Variants in PHF24 observed in about 807,000 individuals in gnomAD.
PHF24 encodes the protein PHD finger protein 24.
In PHF24, 25 loss-of-function variants were observed where a neutral mutation model predicts 42.6. The observed-to-expected ratio is 0.59, with a 90% confidence interval of 0.43 to 0.82. The LOEUF is 0.82. PHF24 is among the 40% of genes least tolerant of loss of function. The pLI, the probability that PHF24 is intolerant of heterozygous loss-of-function variation, is 0.00. For synonymous variants in PHF24, 185 were observed against 204.8 expected (o/e 0.90, Z 0.83); for missense variants, 470 against 538.1 (o/e 0.87, Z 1.25).
the PHF24 span, among the ~76,000 whole-genome samples, chr9:34,732,703 A>T: frequency 6.6e-6 from 1 of 152,140 alleles, no homozygotes; most frequent in Non-Finnish European, 1.5e-5. Context: ...TTGCCCCTAG[A>T]TCAATTTCCT....
At chr9:34,880,828 A>G in the PHF24 span, among the ~76,000 whole-genome samples, 71 of 152,308 alleles carry the variant, frequency 4.7e-4, 1 homozygote, top group Admixed American at 4.2e-3. Context: ...GATGTCCAGG[A>G]ATTGAACTCA....
chr9:34,833,541 G>C, the PHF24 span: 1 of 1,551,652 alleles, frequency 6.4e-7, no homozygotes, highest in South Asian at 1.2e-5. Context: ...ATGTTCTCTG[G>C]TGCTGCAGCA....
intron 1 of PHF24, among the ~76,000 whole-genome samples, chr9:34,960,574 C>A (rs1033692307): frequency 6.6e-6 from 1 of 152,078 alleles, no homozygotes; most frequent in African/African-American, 2.4e-5. Flanking sequence ...TCAGAAGGAC[C>A]AAACCTGAAG....
At chr9:34,691,602 C>T in the PHF24 span, among the ~76,000 whole-genome samples, 2 of 152,180 alleles carry the variant, frequency 1.3e-5, no homozygotes, top group African/African-American at 4.8e-5. Flanking sequence ...AGGTGGGGCC[C>T]ACAGTGAGGA....
At chr9:34,824,016 T>C in the PHF24 span, among the ~76,000 whole-genome samples, 1 of 152,082 alleles carries the variant, frequency 6.6e-6, no homozygotes, top group African/African-American at 2.4e-5. Flanking sequence ...GTTGCAAGAG[T>C]CTGGAAATCC....
chr9:34,969,792 T>G (rs1826909149), intron 1 of PHF24, among the ~76,000 whole-genome samples: 1 of 152,206 alleles, frequency 6.6e-6, no homozygotes, highest in African/African-American at 2.4e-5. Flanking sequence ...TCATTTCCAT[T>G]TAAACCCTCT....
chr9:34,905,872 G>A, the PHF24 span, among the ~76,000 whole-genome samples: 4 of 152,192 alleles, frequency 2.6e-5, no homozygotes, highest in Non-Finnish European at 4.4e-5. Flanking sequence ...TGTGGAAACT[G>A]GGGTTGTGGA....
chr9:34,955,428 G>C (rs1826349503), upstream of PHF24, among the ~76,000 whole-genome samples: 1 of 151,550 alleles, frequency 6.6e-6, no homozygotes, highest in Admixed American at 6.6e-5. Context: ...TGTAATCCCA[G>C]CACTTTGGGA....
the PHF24 span, among the ~76,000 whole-genome samples, chr9:34,788,569 T>C: frequency 1.3e-5 from 2 of 152,192 alleles, no homozygotes; most frequent in African/African-American, 4.8e-5. Context: ...CTGGCCAAGA[T>C]ACCAAATACA....
the PHF24 span, among the ~76,000 whole-genome samples, chr9:34,853,083 A>G: frequency 2.1e-4 from 32 of 152,202 alleles, no homozygotes; most frequent in Admixed American, 2.0e-3. Context: ...ATTCAGCCTA[A>G]TATTGGCTGT....
the PHF24 span, among the ~76,000 whole-genome samples, chr9:34,948,362 G>A: frequency 6.6e-6 from 1 of 152,134 alleles, no homozygotes; most frequent in Non-Finnish European, 1.5e-5. Flanking sequence ...AAAGTCTACA[G>A]TCATGTGCAG....
chr9:34,929,763 A>G, the PHF24 span, among the ~76,000 whole-genome samples: 6 of 152,208 alleles, frequency 3.9e-5, no homozygotes, highest in African/African-American at 9.7e-5. Context: ...TGCTGCAAGT[A>G]TTCAAATTTG....
the PHF24 span, among the ~76,000 whole-genome samples, chr9:34,738,559 G>T: frequency 6.6e-6 from 1 of 151,894 alleles, no homozygotes; most frequent in Non-Finnish European, 1.5e-5. Context: ...TGTTAGCCAG[G>T]ATGGTCTTGA....
At chr9:34,832,964 G>A in the PHF24 span, 1 of 1,551,696 alleles carries the variant, frequency 6.4e-7, no homozygotes, top group Non-Finnish European at 8.7e-7. Flanking sequence ...GTGATGCTGG[G>A]GGCTGTGTTG....
chr9:34,790,193 T>C, the PHF24 span, among the ~76,000 whole-genome samples: 1 of 152,296 alleles, frequency 6.6e-6, no homozygotes, highest in Non-Finnish European at 1.5e-5. Flanking sequence ...ACATAATTGT[T>C]TTGGGATAAT....
At chr9:34,825,920 C>T in the PHF24 span, among the ~76,000 whole-genome samples, 9 of 152,290 alleles carry the variant, frequency 5.9e-5, no homozygotes, top group South Asian at 1.7e-3. Context: ...GTCAGTCTGC[C>T]TGCCCAGGGA....
At chr9:34,831,967 C>A in the PHF24 span, among the ~76,000 whole-genome samples, 3 of 152,190 alleles carry the variant, frequency 2.0e-5, no homozygotes, top group African/African-American at 7.2e-5. Context: ...AGCACCTCCT[C>A]AAGGAGGGAA....
the PHF24 span, among the ~76,000 whole-genome samples, chr9:34,862,024 G>A: frequency 1.3e-5 from 2 of 152,190 alleles, no homozygotes; most frequent in Non-Finnish European, 2.9e-5. Flanking sequence ...CTGGTAAGGG[G>A]CCTCTTCCAG....
At chr9:34,894,765 A>G in the PHF24 span, among the ~76,000 whole-genome samples, 1 of 152,242 alleles carries the variant, frequency 6.6e-6, no homozygotes, top group Non-Finnish European at 1.5e-5. Context: ...AGAGACTTCC[A>G]CAGGTTTGTA....
Sources: gnomAD v4.1 joint callset for allele counts (sites outside exome capture counted in the v4.1 genomes callset) on GRCh38, gnomAD v4.1.1 for gene constraint, MANE v1.5 for transcripts, NCBI Gene and HGNC (gene_info 2026-07-23, HGNC 2026-07-21) for gene names.